PTER: variants seen among roughly 807,000 people sequenced by gnomAD.
PTER encodes N-acetyltaurine hydrolase.
In PTER, 38 loss-of-function variants were observed where a neutral mutation model predicts 29.6. The observed-to-expected ratio is 1.28, with a 90% CI of 0.99 to 1.68. The LOEUF is 1.68. Among genes scored for constraint, PTER ranks in the 40% most tolerant of loss-of-function variants. The probability of loss-of-function intolerance (pLI) is 0.00; values close to 1 mark genes in which losing one functional copy is unlikely to be tolerated. For missense variants in PTER, 482 were observed against 427.8 expected (o/e 1.13, Z -1.12); for synonymous variants, 172 against 154.5 (o/e 1.11, Z -0.84).
At chr10:16,457,944 C>A (rs1834472333) in intron 1 of PTER, among the ~76,000 whole-genome samples, 1 of 152,134 alleles carries the variant, frequency 6.6e-6, no homozygotes, top group African/African-American at 2.4e-5. Flanking sequence ...TGTATTCATT[C>A]CATTTACCTA....
chr10:16,471,192 G>A (rs1835039762), intron 1 of PTER, among the ~76,000 whole-genome samples: 1 of 152,172 alleles, frequency 6.6e-6, no homozygotes, highest in Non-Finnish European at 1.5e-5. Flanking sequence ...ATATTGCGCA[G>A]GAACAATATC....
At chr10:16,490,141 T>G (rs967652896) in intron 3 of PTER, among the ~76,000 whole-genome samples, 5 of 152,204 alleles carry the variant, frequency 3.3e-5, no homozygotes, top group Admixed American at 3.3e-4. Context: ...TACATTAGCC[T>G]ATACTTCCGC....
At chr10:16,518,619 A>C (rs934247482), downstream of PTER, among the ~76,000 whole-genome samples, 2 of 152,218 alleles carry the variant, frequency 1.3e-5, no homozygotes, top group African/African-American at 2.4e-5. Flanking sequence ...TCAACATTTA[A>C]ACTAATTTAA....
chr10:16,444,275 G>C (rs1263118543), intron 1 of PTER, among the ~76,000 whole-genome samples: 1 of 152,068 alleles, frequency 6.6e-6, no homozygotes, highest in African/African-American at 2.4e-5. Flanking sequence ...TTACAGGCAT[G>C]AACCACCGCA....
At chr10:16,488,249 C>T (rs980565480) in intron 3 of PTER, among the ~76,000 whole-genome samples, 1 of 152,152 alleles carries the variant, frequency 6.6e-6, no homozygotes, top group African/African-American at 2.4e-5. Flanking sequence ...GAAAACTAGA[C>T]TCTTTGGACC....
chr10:16,440,634 G>A (rs1349699191), intron 1 of PTER, among the ~76,000 whole-genome samples: 7 of 152,142 alleles, frequency 4.6e-5, no homozygotes, highest in African/African-American at 1.4e-4. Context: ...AGTGACCTGT[G>A]TCACTTCCAG....
At chr10:16,447,947 C>T (rs1390491419) in intron 1 of PTER, among the ~76,000 whole-genome samples, 2 of 152,186 alleles carry the variant, frequency 1.3e-5, no homozygotes, top group Non-Finnish European at 1.5e-5. Context: ...AGCCCAATCA[C>T]TTATATACCA....
intron 1 of PTER, among the ~76,000 whole-genome samples, chr10:16,465,880 G>T (rs934065604): frequency 6.6e-6 from 1 of 152,152 alleles, no homozygotes; most frequent in African/African-American, 2.4e-5. Context: ...GCAAGTGAGA[G>T]CAGGGAAAAC....
At position 16,461,721 on chromosome 10, in the gene PTER, T is replaced by C. The variant is rs77840489; in HGVS notation, c.-48-22616T>C. The stretch of plus-strand genomic sequence containing the variant: ...ACCTCTAGAGCAATTTTTCTCAAAC[T>C]TGGAGTTCCACAAACTCTCAACAAA... On this transcript the variant is annotated intron_variant, in intron 1 of 4. Coordinates refer to ENST00000535784, the MANE Select transcript of PTER (RefSeq NM_001261836.2). 4.1e-3 allele frequency among the ~76,000 whole-genome samples: 618 copies of C among 152,330 alleles called. 3 individuals are homozygous for C. Among genetic ancestry groups the C allele is most frequent in the African/African-American group, 0.015 (605 of 41,564 alleles).
chr10:16,491,637 C>T (rs964711740), intron 3 of PTER, among the ~76,000 whole-genome samples: 2 of 152,044 alleles, frequency 1.3e-5, no homozygotes, highest in African/African-American at 4.8e-5. Flanking sequence ...CATTTCATTT[C>T]CCCCATCATG....
intron 1 of PTER, among the ~76,000 whole-genome samples, chr10:16,460,624 A>T (rs922252862): frequency 3.3e-5 from 5 of 152,212 alleles, no homozygotes; most frequent in African/African-American, 1.2e-4. Flanking sequence ...ACATTTAATA[A>T]TTTGACATTT....
intron 1 of PTER, among the ~76,000 whole-genome samples, chr10:16,480,528 G>A (rs568755557): frequency 1.2e-4 from 18 of 152,052 alleles, no homozygotes; most frequent in Non-Finnish European, 1.9e-4. Context: ...ATTGTTAGAC[G>A]AGTACCTTCA....
At chr10:16,478,589 C>T (rs1220494309) in intron 1 of PTER, among the ~76,000 whole-genome samples, 1 of 152,000 alleles carries the variant, frequency 6.6e-6, no homozygotes, top group Admixed American at 6.6e-5. Context: ...CTGCCTCAGC[C>T]TCCCAAAGTG....
At chr10:16,473,343 C>A (rs1444984440) in intron 1 of PTER, among the ~76,000 whole-genome samples, 1 of 151,894 alleles carries the variant, frequency 6.6e-6, no homozygotes, top group Non-Finnish European at 1.5e-5. Flanking sequence ...CATTATGAGT[C>A]CTCCTCTCCA....
At chr10:16,458,225 C>CTT (rs200637234) in intron 1 of PTER, among the ~76,000 whole-genome samples, 1 of 147,050 alleles carries the variant, frequency 6.8e-6, no homozygotes. Flanking sequence ...CTGCCCAGCA[C>CTT]TTTTTTTTTT....
chr10:16,514,805 G>A (rs1221656931), downstream of PTER: 6 of 874,660 alleles, frequency 6.9e-6, no homozygotes, highest in Non-Finnish European at 1.0e-5. Flanking sequence ...TGCTGCCATA[G>A]TACAGAATTT....
chr10:16,513,994 C>T, downstream of PTER: 1 of 250,522 alleles, frequency 4.0e-6, no homozygotes, highest in Non-Finnish European at 7.5e-6. Context: ...GAATCATTCC[C>T]AGGTCTAGCT....
chr10:16,486,681 AATCT>A, intron 3 of PTER, 64 bp downstream of exon 3: 1 of 1,492,160 alleles, frequency 6.7e-7, no homozygotes, highest in Non-Finnish European at 9.1e-7. Flanking sequence ...TCAAATTAAG[AATCT>A]ACAGTAATCA....
chr10:16,495,146 G>A (rs1836043921), intron 3 of PTER, among the ~76,000 whole-genome samples: 2 of 148,748 alleles, frequency 1.3e-5, no homozygotes, highest in Non-Finnish European at 1.5e-5. Flanking sequence ...AGGGGGAGGA[G>A]TACAAAGATT....
Sources: gnomAD v4.1 joint callset for allele counts (sites outside exome capture counted in the v4.1 genomes callset) on GRCh38, gnomAD v4.1.1 for gene constraint, MANE v1.5 for transcripts, NCBI Gene and HGNC (gene_info 2026-07-23, HGNC 2026-07-21) for gene names.